DOCK1: variants seen among roughly 807,000 people sequenced by gnomAD.
DOCK1 encodes dedicator of cytokinesis 1, also known as dedicator of cytokinesis protein 1.
In DOCK1, 138 loss-of-function variants were observed where a neutral mutation model predicts 262.7. That is an observed-to-expected ratio of 0.53 (90% confidence interval 0.46 to 0.61). The LOEUF (loss-of-function observed/expected upper bound fraction) is 0.61, where lower values mean the gene tolerates loss of function less well. Among genes scored for constraint, DOCK1 ranks in the 20% least tolerant of loss-of-function variants. The pLI is 0.00. For missense variants in DOCK1, 1,908 were observed against 2,370.7 expected, an observed-to-expected ratio of 0.80 and a Z score of 4.05; for synonymous variants, 866 against 867.4, an observed-to-expected ratio of 1.00 and a Z score of 0.03.
intron 29 of DOCK1, among the ~76,000 whole-genome samples, chr10:127,321,964 G>A (rs2062551845): frequency 6.6e-6 from 1 of 151,936 alleles, no homozygotes. Flanking sequence ...TCAGCCAGAT[G>A]TGGTGGCACA....
intron 11 of DOCK1, among the ~76,000 whole-genome samples, chr10:127,011,959 C>G (rs1308266961): frequency 1.3e-5 from 2 of 152,146 alleles, no homozygotes; most frequent in Admixed American, 6.5e-5. Flanking sequence ...ACACAAGAGT[C>G]TGATGGAGAT....
At chr10:127,225,377 G>A (rs908654279) in intron 27 of DOCK1, among the ~76,000 whole-genome samples, 1 of 152,252 alleles carries the variant, frequency 6.6e-6, no homozygotes, top group Non-Finnish European at 1.5e-5. Flanking sequence ...AGGAGAGCAG[G>A]TAACCCATGA....
At chr10:126,912,219 A>G (rs185279281) in intron 1 of DOCK1, among the ~76,000 whole-genome samples, 45 of 152,164 alleles carry the variant, frequency 3.0e-4, no homozygotes, top group Non-Finnish European at 6.2e-4. Context: ...ACCTGAGGTC[A>G]GGGGTTAGAG....
intron 23 of DOCK1, among the ~76,000 whole-genome samples, chr10:127,090,302 A>G (rs1257534973): frequency 6.6e-6 from 1 of 152,172 alleles, no homozygotes; most frequent in East Asian, 1.9e-4. Context: ...CTGAGGCTCC[A>G]TCATGGTTCC....
chr10:127,380,621 C>T (rs1476532382), intron 36 of DOCK1, among the ~76,000 whole-genome samples: 2 of 152,124 alleles, frequency 1.3e-5, no homozygotes, highest in Non-Finnish European at 1.5e-5. Context: ...CTTCCCTACT[C>T]GCCTTGCTCC....
In DOCK1 at chr10:127,358,345, CCAAA is replaced by C. The variant is rs1288607660; in HGVS notation, c.3283+3620_3283+3623del. Among the ~76,000 whole-genome samples, 5 of 152,202 alleles carry C rather than the reference CCAAA, an allele frequency of 3.3e-5. No homozygotes were observed. In the East Asian group the frequency reaches 7.7e-4, roughly 24 times the overall value. ...ACAGAGTGATGTGTTTCTTTCCCTC[CCAAA>C]CCTGTCATATTTTGAGTCTGAAAGG... is the stretch of plus-strand genomic sequence containing the variant. On this transcript the variant is annotated intron_variant, in intron 32 of 51. Transcript: ENST00000623213.
intron 27 of DOCK1, among the ~76,000 whole-genome samples, chr10:127,194,666 T>TC (rs1046142418): frequency 6.6e-6 from 1 of 151,842 alleles, no homozygotes; most frequent in African/African-American, 2.4e-5. Context: ...ACTCTGACAG[T>TC]CCCCCCACTG....
chr10:127,316,239 C>G (rs1345851774), intron 29 of DOCK1, among the ~76,000 whole-genome samples: 6 of 152,156 alleles, frequency 3.9e-5, no homozygotes, highest in African/African-American at 9.7e-5. Flanking sequence ...TGGTCCCGTG[C>G]TGTACCTAAG....
chr10:127,447,309 C>G, intron 50 of DOCK1, 85 bp from the exon 51 acceptor site: 2 of 1,542,864 alleles, frequency 1.3e-6, no homozygotes, highest in Non-Finnish European at 1.8e-6. Context: ...GCCTGCCTCT[C>G]TGGGAGGGAA....
intron 27 of DOCK1, among the ~76,000 whole-genome samples, chr10:127,237,947 C>T (rs1320561065): frequency 2.0e-5 from 3 of 152,156 alleles, no homozygotes; most frequent in Admixed American, 2.0e-4. Context: ...CACACGTACC[C>T]ACCTAAATTC....
intron 25 of DOCK1, 63 bp from the exon 26 acceptor site, chr10:127,125,411 T>G: frequency 1.2e-6 from 2 of 1,602,536 alleles, no homozygotes; most frequent in South Asian, 1.1e-5. Flanking sequence ...GACAAGCTTA[T>G]AGCAAACACG....
chr10:127,249,432 T>TATAC (rs1254214118), intron 28 of DOCK1, among the ~76,000 whole-genome samples: 21 of 96,960 alleles, frequency 2.2e-4, no homozygotes, highest in African/African-American at 8.2e-4. Flanking sequence ...CATATATATA[T>TATAC]ACACACACAC....
chr10:127,434,466 G>A (rs369581302), intron 48 of DOCK1, among the ~76,000 whole-genome samples: 193 of 152,106 alleles, frequency 1.3e-3, no homozygotes, highest in East Asian at 1.7e-3. Flanking sequence ...TGAACAGTTC[G>A]GTGGCATTGC....
Position 127,403,205 on chromosome 10 carries a change from A to G in DOCK1, c.4017+61A>G, listed in dbSNP as rs543078736. On this transcript the variant is annotated intron_variant, in intron 39 of 51. Coordinates refer to ENST00000623213, the MANE Select transcript of DOCK1 (RefSeq NM_001290223.2). ...GGCAATCTCAGCTGGTTTTTCAGGA[A>G]TCTCTCTTTCCATGTCAATGTTAGG... The G allele has an allele frequency of 1.1e-4, 171 of 1,506,384 alleles. 2 individuals carry two copies. The Admixed American group carries it at 3.2e-3, about 28-fold the overall frequency. 93.3% of individuals were successfully genotyped at this position (1,506,384 alleles called of 1,614,324 possible).
chr10:127,158,282 C>A (rs551138605), intron 27 of DOCK1, among the ~76,000 whole-genome samples: 35 of 152,250 alleles, frequency 2.3e-4, no homozygotes, highest in African/African-American at 8.2e-4. Flanking sequence ...GGAAGAACAA[C>A]CTAAAAACTT....
At chr10:127,171,860 C>T (rs1217608456) in intron 27 of DOCK1, among the ~76,000 whole-genome samples, 13 of 152,108 alleles carry the variant, frequency 8.5e-5, no homozygotes, top group Non-Finnish European at 1.6e-4. Context: ...CCCGCCACCA[C>T]GCCCGACTAA....
At chr10:127,392,839 T>C (rs1041863230) in intron 38 of DOCK1, among the ~76,000 whole-genome samples, 1 of 152,154 alleles carries the variant, frequency 6.6e-6, no homozygotes, top group Admixed American at 6.6e-5. Flanking sequence ...TTCCCAAGGC[T>C]AACACTAACT....
Position 127,175,499 on chromosome 10 carries a change from C to T in DOCK1, c.2847+47735C>T, listed in dbSNP as rs372852521. The T allele has an allele frequency of 2.2e-5, 35 of 1,608,566 alleles. No individual in the cohort carries two copies. The highest frequency in any genetic ancestry group is 2.0e-4 in the South Asian group (18 of 91,078). ...AGCAGGCCAGGGCAGTTTCCGAGGG[C>T]GCCTGGAGCCCGTTGAGATGTGTGG... On this transcript the variant is annotated intron_variant, in intron 27 of 51. Transcript: ENST00000623213. The surrounding 1 kb of genome is among the most constrained non-coding windows in gnomAD (Gnocchi z 6.3).
intron 29 of DOCK1, among the ~76,000 whole-genome samples, chr10:127,312,901 C>G (rs1564984111): frequency 6.6e-6 from 1 of 152,028 alleles, no homozygotes; most frequent in South Asian, 2.1e-4. Flanking sequence ...ATTTTCCACA[C>G]TGAGACCACT....
Sources: allele counts gnomAD v4.1 joint callset (sites outside exome capture counted in the v4.1 genomes callset), GRCh38; gene constraint gnomAD v4.1.1; non-coding constraint Gnocchi (gnomAD v3.1); transcripts MANE v1.5; gene names NCBI Gene and HGNC (gene_info 2026-07-23, HGNC 2026-07-21).